Variants in PDE12 observed in about 807,000 individuals in gnomAD.
PDE12 encodes phosphodiesterase 12, also known as 2',5'-phosphodiesterase 12.
A neutral mutation model predicts 45.4 loss-of-function variants in PDE12; 26 were observed. The observed-to-expected ratio is 0.57, with a 90% CI of 0.42 to 0.79. The LOEUF (loss-of-function observed/expected upper bound fraction) is 0.79. Among genes scored for constraint, PDE12 ranks in the 30% least tolerant of loss-of-function variants. The pLI, the probability that PDE12 is intolerant of heterozygous loss-of-function variation, is 0.00. For synonymous variants in PDE12, 283 were observed against 323.9 expected (o/e 0.87, Z 1.36); for missense variants, 668 against 790.0 (o/e 0.85, Z 1.85).
the PDE12 span, chr3:57,630,826 T>C: frequency 6.2e-7 from 1 of 1,612,718 alleles, no homozygotes; most frequent in Non-Finnish European, 8.5e-7. Flanking sequence ...AGGTGGACTC[T>C]AGAAAACAGG....
At chr3:57,609,236 G>A in the PDE12 span, among the ~76,000 whole-genome samples, 1 of 152,180 alleles carries the variant, frequency 6.6e-6, no homozygotes, top group Non-Finnish European at 1.5e-5. Flanking sequence ...ATTTAAAGCA[G>A]TGTGTAGAGG....
the PDE12 span, among the ~76,000 whole-genome samples, chr3:57,573,210 AAAAAAG>A: frequency 6.6e-6 from 1 of 151,748 alleles, no homozygotes; most frequent in East Asian, 1.9e-4. Context: ...TCAAAAAAAA[AAAAAAG>A]AAAGAAAGAA....
At chr3:57,578,254 G>A in the PDE12 span, among the ~76,000 whole-genome samples, 1 of 151,670 alleles carries the variant, frequency 6.6e-6, no homozygotes, top group African/African-American at 2.4e-5. Context: ...TTAAGAAAAT[G>A]ATAGCAAGAA....
chr3:57,631,201 A>AT, the PDE12 span: 2 of 498,592 alleles, frequency 4.0e-6, no homozygotes, highest in Admixed American at 3.7e-5. Flanking sequence ...AGGGGACTAC[A>AT]TTTTTTCTTT....
chr3:57,584,021 C>A, the PDE12 span: 1 of 1,523,732 alleles, frequency 6.6e-7, no homozygotes, highest in Admixed American at 1.7e-5. Context: ...CAAAGAAAAA[C>A]AAAAATGACC....
the PDE12 span, among the ~76,000 whole-genome samples, chr3:57,623,104 C>T: frequency 3.3e-4 from 50 of 152,210 alleles, no homozygotes; most frequent in Admixed American, 3.0e-3. Context: ...CTCAATAAAG[C>T]TGTTTTTAAA....
At chr3:57,647,006 C>A in the PDE12 span, among the ~76,000 whole-genome samples, 3 of 152,148 alleles carry the variant, frequency 2.0e-5, no homozygotes, top group Non-Finnish European at 4.4e-5. Flanking sequence ...TGTTGGGACA[C>A]AACTCTGCTA....
chr3:57,622,670 T>C, the PDE12 span, among the ~76,000 whole-genome samples: 1 of 152,104 alleles, frequency 6.6e-6, no homozygotes, highest in African/African-American at 2.4e-5. Flanking sequence ...AGCCAAAAAC[T>C]AGAAACAATC....
rs2069731314 is a variant in PDE12 at position 57,561,748 on chromosome 3, A to G, written c.*1744A>G. ...AATCTCTGAACCTAGTATCATAAGAATTTCCTCTTTTGATAACATCTGTAC... is the reference window on the plus strand; with the variant it reads ...AATCTCTGAACCTAGTATCATAAGAGTTTCCTCTTTTGATAACATCTGTAC... On this transcript the variant is annotated 3_prime_UTR_variant, in exon 3 of 3. Transcript: ENST00000311180. 4.1e-6 allele frequency: 4 copies of G among 984,326 alleles called. No homozygotes were observed. The South Asian group carries it at 1.9e-4, about 46-fold the overall frequency. The allele number at this position is 984,326 out of a possible 1,614,324, so 61.0% of individuals were successfully genotyped here.
the PDE12 span, among the ~76,000 whole-genome samples, chr3:57,616,719 C>CATT: frequency 2.0e-5 from 3 of 152,104 alleles, no homozygotes; most frequent in Non-Finnish European, 4.4e-5. Context: ...CAGACAAAGA[C>CATT]ATTACCAAAA....
chr3:57,641,495 C>G, the PDE12 span, among the ~76,000 whole-genome samples: 1 of 150,440 alleles, frequency 6.6e-6, no homozygotes, highest in Non-Finnish European at 1.5e-5. Context: ...ATTATAAGAG[C>G]CTGCATATTT....
At chr3:57,594,422 C>T in the PDE12 span, among the ~76,000 whole-genome samples, 1 of 152,150 alleles carries the variant, frequency 6.6e-6, no homozygotes, top group Non-Finnish European at 1.5e-5. Flanking sequence ...GCAGTATGGG[C>T]AATATCATCA....
At chr3:57,617,096 T>C in the PDE12 span, among the ~76,000 whole-genome samples, 8 of 151,870 alleles carry the variant, frequency 5.3e-5, no homozygotes, top group South Asian at 1.7e-3. Context: ...CAAAAAAAAT[T>C]TAGCAAAGAT....
the PDE12 span, among the ~76,000 whole-genome samples, chr3:57,656,319 T>C: frequency 2.0e-5 from 3 of 152,252 alleles, no homozygotes; most frequent in African/African-American, 7.2e-5. Flanking sequence ...ATAATGCTTT[T>C]GGAAGTCTTT....
At chr3:57,614,527 T>TTTTTGTTTTG in the PDE12 span, among the ~76,000 whole-genome samples, 1 of 141,362 alleles carries the variant, frequency 7.1e-6, no homozygotes. Context: ...TAATCCGTTT[T>TTTTTGTTTTG]TTTTTTTTTG....
At chr3:57,616,482 AAG>A in the PDE12 span, among the ~76,000 whole-genome samples, 1 of 127,382 alleles carries the variant, frequency 7.9e-6, no homozygotes, top group South Asian at 2.1e-4. Flanking sequence ...AGGAAGAAGA[AAG>A]AAGGAGGAAG....
rs1044804935 is a variant in PDE12, at chr3:57,556,413, C to T, written c.34C>T (p.Arg12Trp). Residue 12 changes from arginine (R) to tryptophan (W), a missense_variant, in exon 1 of 3, where the codon CGG becomes TGG. Arg to Trp is a moderately radical substitution (Grantham distance 101). Transcript: ENST00000311180. The surrounding 1 kb of genome is among the most constrained non-coding windows in gnomAD (Gnocchi z 5.0). Reference sequence around the variant, plus strand: ...GCTCCCAGGCGCCCGCGCCGCGCTTCGGGTGATCCGGACGGCGGTGGAGAA... The same window carrying T: ...GCTCCCAGGCGCCCGCGCCGCGCTTTGGGTGATCCGGACGGCGGTGGAGAA... ...WRLPGARAAL[R>W]VIRTAVEKLS... The T allele has an allele frequency of 9.3e-6, 15 of 1,606,816 alleles. No individual in the cohort carries two copies. Among genetic ancestry groups the T allele is most frequent in the East Asian group, 2.2e-5 (1 of 44,530 alleles).
the PDE12 span, chr3:57,628,391 G>A: frequency 6.3e-7 from 1 of 1,587,544 alleles, no homozygotes; most frequent in Non-Finnish European, 8.6e-7. Flanking sequence ...CTCAGAATCT[G>A]TATTAATACA....
chr3:57,607,387 T>C, the PDE12 span, among the ~76,000 whole-genome samples: 1 of 152,066 alleles, frequency 6.6e-6, no homozygotes, highest in Non-Finnish European at 1.5e-5. Context: ...CAAAGCTGGA[T>C]GGAGAATGAC....
Sources: allele counts gnomAD v4.1 joint callset (sites outside exome capture counted in the v4.1 genomes callset), GRCh38; gene constraint gnomAD v4.1.1; non-coding constraint Gnocchi (gnomAD v3.1); transcripts MANE v1.5; gene names NCBI Gene and HGNC (gene_info 2026-07-23, HGNC 2026-07-21).